The following APBB2 variants were observed in gnomAD, a reference collection of about 807,000 sequenced individuals.
APBB2 encodes the protein Fe65-like 1.
In APBB2, 38 loss-of-function variants were observed where a neutral mutation model predicts 82.5. That is an observed-to-expected ratio of 0.46 (90% confidence interval 0.36 to 0.60). APBB2 has a LOEUF of 0.60. Ranked by LOEUF, APBB2 falls within the 20% of genes least tolerant of loss-of-function variation. The pLI is 0.00. For synonymous variants in APBB2, 341 were observed against 368.2 expected, an observed-to-expected ratio of 0.93 and a Z score of 0.85; for missense variants, 772 against 972.3, an observed-to-expected ratio of 0.79 and a Z score of 2.74.
rs562783725 is a variant in APBB2 at position 41,098,536 on chromosome 4, C to T, written c.-149+2103G>A. 2.6e-5 allele frequency among the ~76,000 whole-genome samples: 4 copies of T among 152,272 alleles called. 1 individual carries two copies. The South Asian group carries it at 8.3e-4, about 32-fold the overall frequency. On this transcript the variant is annotated intron_variant, in intron 3 of 17. Coordinates refer to ENST00000508593, the MANE Select transcript of APBB2 (RefSeq NM_004307.2). ...CTTTTTGTCACAGTCCCTGTAGTAA[C>T]ACAGGGCTGTCTTTAGCTTACTGTA...
At chr4:41,186,609 A>AG (rs1772976121) in intron 1 of APBB2, among the ~76,000 whole-genome samples, 1 of 152,242 alleles carries the variant, frequency 6.6e-6, no homozygotes, top group Non-Finnish European at 1.5e-5. Flanking sequence ...GTTGTAGTTC[A>AG]GATCTCTACT....
chr4:41,152,639 C>G (rs184439388), intron 1 of APBB2, among the ~76,000 whole-genome samples: 17 of 152,232 alleles, frequency 1.1e-4, no homozygotes, highest in African/African-American at 4.1e-4. Context: ...TCACTTGTTT[C>G]TGATGACTCG....
intron 4 of APBB2, among the ~76,000 whole-genome samples, chr4:41,056,590 T>C (rs1727939135): frequency 6.6e-6 from 1 of 152,216 alleles, no homozygotes; most frequent in Non-Finnish European, 1.5e-5. Flanking sequence ...AGATGAGATA[T>C]AAGAATTGAG....
At chr4:40,854,729 C>A (rs1297243438) in intron 12 of APBB2, among the ~76,000 whole-genome samples, 1 of 144,116 alleles carries the variant, frequency 6.9e-6, no homozygotes, top group Admixed American at 7.3e-5. Context: ...ACACAGGTTG[C>A]AGTAAGCCAA....
chr4:40,880,753 G>A (rs1024840487), intron 12 of APBB2: 12 of 985,252 alleles, frequency 1.2e-5, no homozygotes, highest in Admixed American at 1.2e-4. Flanking sequence ...GAAGCTGTTC[G>A]AAGATCATCA....
At chr4:41,199,228 G>A (rs944582364) in intron 1 of APBB2, among the ~76,000 whole-genome samples, 1 of 152,130 alleles carries the variant, frequency 6.6e-6, no homozygotes, top group Non-Finnish European at 1.5e-5. Flanking sequence ...GAGATAACTC[G>A]AGTCTCTTTA....
At chr4:40,886,064 G>A (rs917709072) in intron 12 of APBB2, among the ~76,000 whole-genome samples, 11 of 152,198 alleles carry the variant, frequency 7.2e-5, no homozygotes, top group African/African-American at 1.4e-4. Flanking sequence ...TGGCTGAGAT[G>A]AGCAGACTAT....
chr4:40,872,856 C>T (rs796185644), intron 12 of APBB2, among the ~76,000 whole-genome samples: 4 of 151,730 alleles, frequency 2.6e-5, no homozygotes, highest in African/African-American at 4.8e-5. Flanking sequence ...GAGGCTGAGG[C>T]GGGTGGATCA....
At chr4:41,126,216 CAA>C (rs570780744) in intron 2 of APBB2, among the ~76,000 whole-genome samples, 10 of 59,398 alleles carry the variant, frequency 1.7e-4, no homozygotes, top group Middle Eastern at 0.014. Flanking sequence ...CGTGTCTCTA[CAA>C]AAAAAAAAAA....
At chr4:41,082,575 T>C (rs1277739647) in intron 3 of APBB2, among the ~76,000 whole-genome samples, 2 of 151,456 alleles carry the variant, frequency 1.3e-5, no homozygotes, top group Middle Eastern at 3.2e-3. Context: ...TTCTTTTTTT[T>C]TTTTTTTTTT....
chr4:41,008,084 T>C (rs547202963), intron 6 of APBB2, among the ~76,000 whole-genome samples: 34 of 152,306 alleles, frequency 2.2e-4, no homozygotes, highest in African/African-American at 7.7e-4. Context: ...TTTTCCACTT[T>C]CCGGATTCTC....
intron 2 of APBB2, among the ~76,000 whole-genome samples, chr4:41,141,142 C>T (rs1466178188): frequency 6.6e-6 from 1 of 152,108 alleles, no homozygotes; most frequent in Non-Finnish European, 1.5e-5. Flanking sequence ...GGGACTATGC[C>T]ACAGTCATTT....
At position 41,008,588 on chromosome 4, in the gene APBB2, A is replaced by G. The variant is rs544642611; in HGVS notation, c.835+4995T>C. Among the ~76,000 whole-genome samples the G allele has an allele frequency of 5.3e-5, 8 of 152,374 alleles. No individual in the cohort carries two copies. In the South Asian group the frequency reaches 1.5e-3, roughly 28 times the overall value. Reference sequence around the variant, plus strand: ...CCAAAATATAGGTAATTCATAATTAAGAGAAAAGCAAACTTTTATAACACA... The same window carrying G: ...CCAAAATATAGGTAATTCATAATTAGGAGAAAAGCAAACTTTTATAACACA... On this transcript the variant is annotated intron_variant, in intron 6 of 17. Coordinates refer to ENST00000508593, the MANE Select transcript of APBB2 (RefSeq NM_004307.2).
At chr4:40,871,257 G>A (rs141606240) in intron 12 of APBB2, among the ~76,000 whole-genome samples, 55 of 152,262 alleles carry the variant, frequency 3.6e-4, no homozygotes, top group African/African-American at 7.7e-4. Context: ...CGATCCTCCC[G>A]CCTCAGACTC....
rs926849759 is a variant in APBB2, at chr4:40,810,829, G to C, written c.*5263C>G. On this transcript the variant is annotated 3_prime_UTR_variant, in exon 18 of 18. Transcript: ENST00000508593. ...GATTTCTATCTGGTTGGTTAGGGTA[G>C]TCCATGCCTCAAGGAAGGCGGTGCA... 2.6e-5 allele frequency: 4 copies of C among 152,176 alleles called. No individual in the cohort carries two copies. The highest frequency in any genetic ancestry group is 9.7e-5 in the African/African-American group (4 of 41,436). The allele number at this position is 152,176 out of a possible 1,614,324, so 9.4% of individuals were successfully genotyped here.
rs1309377132 is a variant in APBB2 at position 40,832,121 on chromosome 4, A to G, written c.1530-1544T>C. On this transcript the variant is annotated intron_variant, in intron 12 of 17. Coordinates refer to ENST00000508593, the MANE Select transcript of APBB2 (RefSeq NM_004307.2). This position sits in a 1 kb window ranked among gnomAD's most constrained non-coding sequence, Gnocchi z 4.8. ...TATTTGCATCTGATGCTAAGCCAGG[A>G]TACTGTCTGGAGATATAACTACAGA... Among the ~76,000 whole-genome samples, 4 of 151,928 alleles carry G rather than the reference A, an allele frequency of 2.6e-5. No homozygotes were observed. The highest frequency in any genetic ancestry group is 2.6e-4 in the Admixed American group (4 of 15,254).
intron 6 of APBB2, among the ~76,000 whole-genome samples, chr4:40,973,235 G>A (rs13138832): frequency 1.3e-5 from 2 of 151,952 alleles, no homozygotes; most frequent in African/African-American, 2.4e-5. Flanking sequence ...AGTGATCAGA[G>A]AGCCTGGGAA....
At chr4:40,857,289 C>G (rs182311557) in intron 12 of APBB2, 1 of 521,764 alleles carries the variant, frequency 1.9e-6, no homozygotes, top group Non-Finnish European at 2.5e-6. Context: ...TAGGTGCTCC[C>G]GCCAGATGCT....
intron 4 of APBB2, among the ~76,000 whole-genome samples, chr4:41,049,198 G>A (rs369182594): frequency 1.0e-3 from 143 of 140,898 alleles, no homozygotes; most frequent in East Asian, 3.7e-3. Context: ...CTGCCCCGCC[G>A]CCCCGTCTGG....
Sources: allele counts gnomAD v4.1 joint callset (sites outside exome capture counted in the v4.1 genomes callset), GRCh38; gene constraint gnomAD v4.1.1; non-coding constraint Gnocchi (gnomAD v3.1); transcripts MANE v1.5; gene names NCBI Gene and HGNC (gene_info 2026-07-23, HGNC 2026-07-21).